CCDC60: variants seen among roughly 807,000 people sequenced by gnomAD.
CCDC60 encodes coiled-coil domain containing 60, also known as coiled-coil domain-containing protein 60.
CCDC60 carries 54 observed loss-of-function variants against 63.5 expected under a neutral mutation model. The ratio of observed to expected loss-of-function variants is 0.85; its 90% CI spans 0.68 to 1.07. CCDC60 has a LOEUF of 1.07. CCDC60 is among the 50% of genes least tolerant of loss of function. The probability of loss-of-function intolerance (pLI) is 0.00; values close to 1 mark genes in which losing one functional copy is unlikely to be tolerated. For synonymous variants in CCDC60, 206 were observed against 238.8 expected (o/e 0.86, Z 1.27); for missense variants, 651 against 684.3 (o/e 0.95, Z 0.54).
chr12:119,528,367 A>T (rs568318991), intron 11 of CCDC60, among the ~76,000 whole-genome samples: 1 of 152,148 alleles, frequency 6.6e-6, no homozygotes, highest in Admixed American at 6.5e-5. Flanking sequence ...TACAATCAGA[A>T]GTAGGAAGAG....
At chr12:119,452,376 G>C (rs193187128) in intron 2 of CCDC60, among the ~76,000 whole-genome samples, 2 of 152,002 alleles carry the variant, frequency 1.3e-5, no homozygotes, top group African/African-American at 4.8e-5. Context: ...CTGATTTTTT[G>C]TCTTTCACAA....
intron 2 of CCDC60, among the ~76,000 whole-genome samples, chr12:119,460,922 G>C (rs1392674456): frequency 6.6e-6 from 1 of 152,124 alleles, no homozygotes; most frequent in Non-Finnish European, 1.5e-5. Context: ...CTATTCTACA[G>C]ACCTAGAAAT....
intron 2 of CCDC60, among the ~76,000 whole-genome samples, chr12:119,435,978 T>A (rs983726528): frequency 1.3e-5 from 2 of 152,200 alleles, no homozygotes; most frequent in Non-Finnish European, 2.9e-5. Flanking sequence ...TCTCTTGCTC[T>A]CAAATAGGTC....
intron 2 of CCDC60, among the ~76,000 whole-genome samples, chr12:119,440,346 C>T (rs891291740): frequency 7.9e-5 from 12 of 152,104 alleles, no homozygotes; most frequent in Admixed American, 2.6e-4. Flanking sequence ...CTGCCTAACA[C>T]GGCGAAACCC....
intron 4 of CCDC60, among the ~76,000 whole-genome samples, chr12:119,486,836 GTGCCTTCC>G (rs900336966): frequency 9.2e-5 from 14 of 152,148 alleles, no homozygotes; most frequent in African/African-American, 3.4e-4. Flanking sequence ...TTCTGAAGTG[GTGCCTTCC>G]TGGAAACAGA....
chr12:119,359,145 T>C (rs545621250), intron 1 of CCDC60, among the ~76,000 whole-genome samples: 5 of 152,338 alleles, frequency 3.3e-5, no homozygotes, highest in Admixed American at 6.5e-5. Flanking sequence ...TGGTGGGTGC[T>C]TAGTAGTATC....
chr12:119,403,587 A>G lies in CCDC60; in HGVS notation c.91-25096A>G, dbSNP rs116770309. 4.3e-3 allele frequency among the ~76,000 whole-genome samples: 650 copies of G among 152,096 alleles called. 3 individuals carry two copies. Among genetic ancestry groups the G allele is most frequent in the African/African-American group, 0.014 (588 of 41,480 alleles). ...GGGAGAGTCCCAGCAGCCACACTCA[A>G]ACCCCTCAGCCCCATCTTCCCCCTG... On this transcript the variant is annotated intron_variant, in intron 1 of 13. Coordinates refer to ENST00000327554, the MANE Select transcript of CCDC60 (RefSeq NM_178499.5).
rs1323372271 is a variant in CCDC60 at position 119,456,870 on chromosome 12, C to G, written c.171-15124C>G. On this transcript the variant is annotated intron_variant, in intron 2 of 13. Transcript: ENST00000327554. This position sits in a 1 kb window ranked among gnomAD's most constrained non-coding sequence, Gnocchi z 4.6. ...GATTTAGCTGGCTTCTTTACTGCAACCTGTTTTATCCGCAAGGTCTTTATG... is the reference window on the plus strand; with the variant it reads ...GATTTAGCTGGCTTCTTTACTGCAAGCTGTTTTATCCGCAAGGTCTTTATG... 6.6e-6 allele frequency among the ~76,000 whole-genome samples: 1 copy of G among 152,196 alleles called. No individual in the cohort carries two copies. The highest frequency in any genetic ancestry group is 1.5e-5 in the Non-Finnish European group (1 of 68,038).
chr12:119,455,309 G>C (rs1950705584), intron 2 of CCDC60, among the ~76,000 whole-genome samples: 2 of 152,200 alleles, frequency 1.3e-5, no homozygotes, highest in African/African-American at 4.8e-5. Context: ...CTACATGCCA[G>C]AGTCTTACTT....
chr12:119,414,488 T>C (rs1956664949), intron 1 of CCDC60, among the ~76,000 whole-genome samples: 1 of 152,232 alleles, frequency 6.6e-6, no homozygotes, highest in African/African-American at 2.4e-5. Flanking sequence ...GACTGAATTT[T>C]CAGGGAGGCT....
chr12:119,540,638 A>G lies in CCDC60; in HGVS notation c.1576A>G (p.Met526Val). The change falls in exon 14 of 14, where the codon ATG becomes GTG. Residue 526 changes from methionine (M) to valine (V), a missense_variant. Coordinates refer to ENST00000327554, the MANE Select transcript of CCDC60 (RefSeq NM_178499.5). ...IEFVREHIIH[M>V]PQEDYISWLQ... ...GTTTGTGCGAGAACACATCATCCAT[A>G]TGCCTCAAGAGGATTACATCAGCTG... is the stretch of plus-strand genomic sequence containing the variant. 1.2e-6 allele frequency: 2 copies of G among 1,613,920 alleles called. No individual in the cohort carries two copies. The highest frequency in any genetic ancestry group is 1.7e-6 in the Non-Finnish European group (2 of 1,179,956).
At chr12:119,418,684 G>C (rs1297809223) in intron 1 of CCDC60, among the ~76,000 whole-genome samples, 1 of 151,812 alleles carries the variant, frequency 6.6e-6, no homozygotes, top group Non-Finnish European at 1.5e-5. Context: ...CAAAGTGCTG[G>C]GATTACAGGC....
In CCDC60 at chr12:119,523,952, C is replaced by A. The variant is rs200904415; in HGVS notation, c.1229+134C>A. On this transcript the variant is annotated intron_variant, in intron 11 of 13. Coordinates refer to ENST00000327554, the MANE Select transcript of CCDC60 (RefSeq NM_178499.5). ...TCTCTGTCCTCAGGGAGCTCACAGT[C>A]TTCTGGAAAATATGGGCAGAAACAA... is the stretch of plus-strand genomic sequence containing the variant. 1.2e-4 allele frequency: 107 copies of A among 873,794 alleles called. No homozygotes were observed. The East Asian group carries it at 2.3e-3, about 19-fold the overall frequency. The allele number at this position is 873,794 out of a possible 1,614,324, so 54.1% of individuals were successfully genotyped here. A position where few individuals can be genotyped will look rare whatever the true frequency, so the allele number is the denominator to read the frequency against.
Position 119,524,018 on chromosome 12 carries a change from A to G in CCDC60, c.1229+200A>G, listed in dbSNP as rs577729561. ...AAATATATAGGTACAAATTCTAATCATTGTCCTACAGTAAGAGAACAGGGT... is the reference window on the plus strand; with the variant it reads ...AAATATATAGGTACAAATTCTAATCGTTGTCCTACAGTAAGAGAACAGGGT... On this transcript the variant is annotated intron_variant, in intron 11 of 13. Coordinates refer to ENST00000327554, the MANE Select transcript of CCDC60 (RefSeq NM_178499.5). 2.5e-3 allele frequency among the ~76,000 whole-genome samples: 374 copies of G among 152,286 alleles called. 1 individual carries two copies. The highest frequency in any genetic ancestry group is 5.2e-3 in the Admixed American group (79 of 15,302).
intron 1 of CCDC60, among the ~76,000 whole-genome samples, chr12:119,387,034 T>TCTCACACACACACACACA (rs543330015): frequency 1.2e-4 from 13 of 105,452 alleles, no homozygotes; most frequent in East Asian, 3.9e-4. Flanking sequence ...TCTGTCTCTC[T>TCTCACACACACACACACA]CACACACACA....
intron 1 of CCDC60, among the ~76,000 whole-genome samples, chr12:119,407,893 T>A (rs1471345248): frequency 6.6e-6 from 1 of 152,236 alleles, no homozygotes; most frequent in African/African-American, 2.4e-5. Context: ...CTGTCTCCTG[T>A]GGTAGTTCAG....
Position 119,472,049 on chromosome 12 carries a change from G to C in CCDC60, c.226G>C (p.Glu76Gln). 1 of 1,614,140 alleles carries C rather than the reference G, an allele frequency of 6.2e-7. No individual in the cohort carries two copies. The change falls in exon 3 of 14, where the codon GAG becomes CAG. Residue 76 changes from glutamate to glutamine, a missense_variant. Glu to Gln is a conservative substitution (Grantham distance 29). Transcript: ENST00000327554. ...GRGYFAILRE[E>Q]TAKKKKQQQL... is the part of the protein sequence containing the mutation. Reference sequence around the variant, plus strand: ...TGGATATTTTGCTATTCTGAGGGAAGAGACTGCAAAGAAAAAGAAGCAACA... The same window carrying C: ...TGGATATTTTGCTATTCTGAGGGAACAGACTGCAAAGAAAAAGAAGCAACA...
At position 119,410,871 on chromosome 12, in the gene CCDC60, T is replaced by C. The variant is rs915102547; in HGVS notation, c.91-17812T>C. Among the ~76,000 whole-genome samples, 4 of 152,094 alleles carry C rather than the reference T, an allele frequency of 2.6e-5. No homozygotes were observed. Among genetic ancestry groups the C allele is most frequent in the Non-Finnish European group, 2.9e-5 (2 of 68,026 alleles). On this transcript the variant is annotated intron_variant, in intron 1 of 13. Coordinates refer to ENST00000327554, the MANE Select transcript of CCDC60 (RefSeq NM_178499.5). The surrounding 1 kb of genome is among the most constrained non-coding windows in gnomAD (Gnocchi z 4.0). ...AATTCTCCTGCCTCAGCCTTCTGAG[T>C]AGCTGGGACTACAGGCACGCACCAC...
chr12:119,455,612 T>C (rs932198575), intron 2 of CCDC60, among the ~76,000 whole-genome samples: 6 of 151,814 alleles, frequency 4.0e-5, no homozygotes, highest in Non-Finnish European at 8.8e-5. Context: ...CTTATAATCC[T>C]AAATTTTTGG....
Sources: gnomAD v4.1 joint callset for allele counts (sites outside exome capture counted in the v4.1 genomes callset) on GRCh38, gnomAD v4.1.1 for gene constraint, Gnocchi (gnomAD v3.1) non-coding constraint, MANE v1.5 for transcripts, NCBI Gene and HGNC (gene_info 2026-07-23, HGNC 2026-07-21) for gene names.